ATP2A2: variants seen among roughly 807,000 people sequenced by gnomAD.
The protein encoded by ATP2A2 is sarcoplasmic/endoplasmic reticulum calcium ATPase 2.
ATP2A2 carries 14 observed loss-of-function variants against 109.3 expected under a neutral mutation model. The ratio of observed to expected loss-of-function variants is 0.13; its 90% CI spans 0.08 to 0.20. ATP2A2 has a LOEUF of 0.20. Among genes scored for constraint, ATP2A2 ranks in the 10% least tolerant of loss-of-function variants. The probability of loss-of-function intolerance (pLI) is 1.00; values close to 1 mark genes in which losing one functional copy is unlikely to be tolerated. For synonymous variants in ATP2A2, 506 were observed against 490.9 expected, an observed-to-expected ratio of 1.03 and a Z score of -0.41; for missense variants, 657 against 1,321.6, an observed-to-expected ratio of 0.50 and a Z score of 7.80.
chr12:110,304,931 C>CT (rs58192780), intron 5 of ATP2A2, among the ~76,000 whole-genome samples: 119 of 149,180 alleles, frequency 8.0e-4, no homozygotes, highest in Middle Eastern at 3.4e-3. Flanking sequence ...GGAAAAACCA[C>CT]TTTTTTTTTT....
In ATP2A2 at chr12:110,347,055, G is replaced by A. The variant is rs180855540; in HGVS notation, c.*585G>A. On this transcript the variant is annotated 3_prime_UTR_variant, in exon 20 of 20. Transcript: ENST00000539276. ...CCCCACCTCTCCCCACCTTACCCCC[G>A]CCCCGCTTGGCTTCTTCTTTAGGAT... 624 of 190,480 alleles carry A rather than the reference G, an allele frequency of 3.3e-3. 2 individuals carry two copies. In the African/African-American group the frequency reaches 0.047, roughly 14 times the overall value. 11.8% of individuals were successfully genotyped at this position (190,480 alleles called of 1,614,324 possible). A position where few individuals can be genotyped will look rare whatever the true frequency, so the allele number is the denominator to read the frequency against.
chr12:110,331,885 A>G (rs751088220), intron 8 of ATP2A2: 9 of 152,230 alleles, frequency 5.9e-5, no homozygotes, highest in Non-Finnish European at 1.2e-4. Flanking sequence ...CAAGCAGTGG[A>G]AAAATTATCT....
intron 11 of ATP2A2, among the ~76,000 whole-genome samples, chr12:110,336,473 C>G (rs537621649): frequency 3.2e-4 from 48 of 152,264 alleles, no homozygotes; most frequent in African/African-American, 1.1e-3. Flanking sequence ...GTAGTACAGC[C>G]TGAGTTGGGA....
chr12:110,322,030 G>A (rs887768104), intron 5 of ATP2A2, among the ~76,000 whole-genome samples: 6 of 151,632 alleles, frequency 4.0e-5, no homozygotes, highest in Admixed American at 2.0e-4. Flanking sequence ...TCGCTCTGCC[G>A]CCCAGGCTGG....
In ATP2A2 at chr12:110,349,562, C is replaced by T. The variant is rs967174649; in HGVS notation, c.*3092C>T. On this transcript the variant is annotated 3_prime_UTR_variant, in exon 20 of 20. Coordinates refer to ENST00000539276, the MANE Select transcript of ATP2A2 (RefSeq NM_170665.4). ...CTCCCAGGCAAGCAGGGCATCTGGC[C>T]GACTTCCCTCACAACAGCTGCTCCC... 17 of 986,364 alleles carry T rather than the reference C, an allele frequency of 1.7e-5. No homozygotes were observed. Among genetic ancestry groups the T allele is most frequent in the Middle Eastern group, 5.2e-4 (1 of 1,938 alleles). 61.1% of individuals were successfully genotyped at this position (986,364 alleles called of 1,614,324 possible). A position where few individuals can be genotyped will look rare whatever the true frequency, so the allele number is the denominator to read the frequency against.
chr12:110,308,075 G>T (rs751374542), intron 5 of ATP2A2, among the ~76,000 whole-genome samples: 1 of 151,912 alleles, frequency 6.6e-6, no homozygotes, highest in Non-Finnish European at 1.5e-5. Context: ...AGTTTTTTAC[G>T]TATTGATCTT....
In ATP2A2 at chr12:110,347,629, T is replaced by C; in HGVS notation, c.*1159T>C. On this transcript the variant is annotated 3_prime_UTR_variant, in exon 20 of 20. Coordinates refer to ENST00000539276, the MANE Select transcript of ATP2A2 (RefSeq NM_170665.4). ...ATAGCACATGACCAAATGAACATAT[T>C]GTATAGAACTATTTTTATTTGAATG... 5 of 1,192,142 alleles carry C rather than the reference T, an allele frequency of 4.2e-6. No individual in the cohort carries two copies. Among genetic ancestry groups the C allele is most frequent in the Non-Finnish European group, 5.3e-6 (5 of 942,144 alleles). The allele number at this position is 1,192,142 out of a possible 1,614,324, so 73.8% of individuals were successfully genotyped here.
At position 110,339,102 on chromosome 12, in the gene ATP2A2, T is replaced by C. The variant is rs1879116433; in HGVS notation, c.1420-179T>C. On this transcript the variant is annotated intron_variant, in intron 11 of 19. Transcript: ENST00000539276. The surrounding 1 kb of genome is among the most constrained non-coding windows in gnomAD (Gnocchi z 4.4). ...TTTCTCTATAGCACTTGTGTTACTT[T>C]TGCATCTTAGTCTGTCTCTCCCAAA... Among the ~76,000 whole-genome samples, 1 of 152,204 alleles carries C rather than the reference T, an allele frequency of 6.6e-6. No individual in the cohort carries two copies. The highest frequency in any genetic ancestry group is 2.4e-5 in the African/African-American group (1 of 41,460).
At chr12:110,288,732 C>G (rs1872941268) in intron 3 of ATP2A2, among the ~76,000 whole-genome samples, 2 of 152,170 alleles carry the variant, frequency 1.3e-5, no homozygotes, top group South Asian at 4.1e-4. Flanking sequence ...TATATTCAAC[C>G]TGTTGTCAAA....
chr12:110,345,682 CAG>C (rs1286420671), intron 18 of ATP2A2: 3 of 571,058 alleles, frequency 5.3e-6, no homozygotes, highest in Non-Finnish European at 9.3e-6. Context: ...CCCTTTCACA[CAG>C]ACAAATGGTA....
At chr12:110,323,534 G>A (rs1218379780) in intron 6 of ATP2A2, among the ~76,000 whole-genome samples, 2 of 152,164 alleles carry the variant, frequency 1.3e-5, no homozygotes, top group South Asian at 2.1e-4. Flanking sequence ...AAATGGCTGG[G>A]CACGGTGGCT....
chr12:110,313,310 C>CTTTTTTTTTTTTTTTTTT (rs748790705), intron 5 of ATP2A2, among the ~76,000 whole-genome samples: 1 of 113,202 alleles, frequency 8.8e-6, no homozygotes. Flanking sequence ...ACCACCTTTC[C>CTTTTTTTTTTTTTTTTTT]TTTTTTTTTT....
intron 5 of ATP2A2, among the ~76,000 whole-genome samples, chr12:110,317,718 A>G (rs1029655742): frequency 2.6e-5 from 4 of 152,176 alleles, no homozygotes; most frequent in African/African-American, 4.8e-5. Context: ...TATATTTGAC[A>G]TAAGTGGTAC....
At chr12:110,296,218 G>A (rs552186598) in intron 4 of ATP2A2, 4 of 212,276 alleles carry the variant, frequency 1.9e-5, no homozygotes, top group South Asian at 1.5e-4. Flanking sequence ...GGGTTCAAGC[G>A]ATTCTTCTGC....
At chr12:110,304,510 C>T (rs77748293) in intron 5 of ATP2A2, among the ~76,000 whole-genome samples, 6 of 152,236 alleles carry the variant, frequency 3.9e-5, no homozygotes, top group East Asian at 1.9e-4. Context: ...GTGGTTTTGA[C>T]GTCCGTTTCC....
rs1880067883 is a variant in ATP2A2, at chr12:110,348,230, T to C, written c.*1760T>C. ...TGAACCAGTGAACTCTGGGTATCGA[T>C]AGGTTCGTCTTAAATAGGCCACTTC... On this transcript the variant is annotated 3_prime_UTR_variant, in exon 20 of 20. Coordinates refer to ENST00000539276, the MANE Select transcript of ATP2A2 (RefSeq NM_170665.4). The C allele has an allele frequency of 1.0e-6, 1 of 985,350 alleles. No homozygotes were observed. Among genetic ancestry groups the C allele is most frequent in the Non-Finnish European group, 1.2e-6 (1 of 829,932 alleles). The allele number at this position is 985,350 out of a possible 1,614,324, so 61.0% of individuals were successfully genotyped here. A position where few individuals can be genotyped will look rare whatever the true frequency, so the allele number is the denominator to read the frequency against.
chr12:110,286,120 A>C (rs549175079), intron 3 of ATP2A2, among the ~76,000 whole-genome samples: 1 of 151,794 alleles, frequency 6.6e-6, no homozygotes, highest in Non-Finnish European at 1.5e-5. Flanking sequence ...GATGGGGTTT[A>C]CCTTTGTTGG....
At chr12:110,300,915 G>T (rs1003633646) in intron 5 of ATP2A2, among the ~76,000 whole-genome samples, 4 of 152,272 alleles carry the variant, frequency 2.6e-5, no homozygotes, top group African/African-American at 9.6e-5. Flanking sequence ...ACATTGGAAA[G>T]GAGATTGTTT....
chr12:110,340,649 C>CT lies in ATP2A2; in HGVS notation c.1762-8dup, dbSNP rs754665446. On this transcript the variant is annotated splice_polypyrimidine_tract_variant and intron_variant, in intron 13 of 19. Transcript: ENST00000539276. The surrounding 1 kb of genome is among the most constrained non-coding windows in gnomAD (Gnocchi z 6.0). Reference sequence around the variant, plus strand: ...TGCCACTTTTATTTAAAGTGATGCTCTTATTTTAGACCAATCTGACCTTCG... The same window carrying CT: ...TGCCACTTTTATTTAAAGTGATGCTCTTTATTTTAGACCAATCTGACCTTCG... The CT allele has an allele frequency of 1.9e-6, 3 of 1,613,932 alleles. No homozygotes were observed. The highest frequency in any genetic ancestry group is 1.6e-4 in the Middle Eastern group (1 of 6,084).
Sources: gnomAD v4.1 joint callset for allele counts (sites outside exome capture counted in the v4.1 genomes callset) on GRCh38, gnomAD v4.1.1 for gene constraint, Gnocchi (gnomAD v3.1) non-coding constraint, MANE v1.5 for transcripts, NCBI Gene and HGNC (gene_info 2026-07-23, HGNC 2026-07-21) for gene names.